PCDHGA3: variants seen among roughly 807,000 people sequenced by gnomAD.
The protein encoded by PCDHGA3 is protocadherin gamma subfamily A, 3, also known as protocadherin gamma-A3.
A neutral mutation model predicts 58.5 loss-of-function variants in PCDHGA3; 40 were observed. The ratio of observed to expected loss-of-function variants is 0.68; its 90% CI spans 0.53 to 0.89. The LOEUF (loss-of-function observed/expected upper bound fraction) is 0.89. Ranked by LOEUF, PCDHGA3 falls within the 40% of genes least tolerant of loss-of-function variation. The pLI is 0.00. For missense variants in PCDHGA3, 1,223 were observed against 1,195.9 expected, an observed-to-expected ratio of 1.02 and a Z score of -0.33; for synonymous variants, 530 against 525.7, an observed-to-expected ratio of 1.01 and a Z score of -0.11.
intron 1 of PCDHGA3, among the ~76,000 whole-genome samples, chr5:141,397,239 G>A (rs563338293): frequency 1.8e-4 from 27 of 152,262 alleles, no homozygotes; most frequent in Non-Finnish European, 3.4e-4. Flanking sequence ...GAAGAGCAAC[G>A]TAGTAGGGTA....
intron 1 of PCDHGA3, chr5:141,390,614 G>C (rs184586504): frequency 4.8e-5 from 14 of 289,200 alleles, no homozygotes; most frequent in Admixed American, 2.4e-4. Context: ...TTTCCTTCTT[G>C]TTGACTAATA....
At chr5:141,371,218 C>T (rs1454546023) in intron 1 of PCDHGA3, 1 of 1,613,992 alleles carries the variant, frequency 6.2e-7, no homozygotes, top group South Asian at 1.1e-5. Context: ...GGCATCAATG[C>T]CGAAATCATC....
At position 141,470,884 on chromosome 5, in the gene PCDHGA3, G is replaced by T. The variant is rs2099243316; in HGVS notation, c.2425-23923G>T. 3.3e-5 allele frequency among the ~76,000 whole-genome samples: 5 copies of T among 151,648 alleles called. No individual in the cohort carries two copies. In the South Asian group the frequency reaches 1.0e-3, roughly 32 times the overall value. On this transcript the variant is annotated intron_variant, in intron 1 of 3. Coordinates refer to ENST00000253812, the MANE Select transcript of PCDHGA3 (RefSeq NM_018916.4). ...TTTGTTTGTTTGTTTTTTTGTTTTT[G>T]TTTTTGTTTTTTGTAGAGATGGGAC...
intron 1 of PCDHGA3, chr5:141,356,784 G>A: frequency 6.2e-7 from 1 of 1,613,948 alleles, no homozygotes; most frequent in East Asian, 2.2e-5. Flanking sequence ...TTAGAGACCT[G>A]CAGCTGCTGA....
chr5:141,360,994 C>A lies in PCDHGA3; in HGVS notation c.2424+14537C>A, dbSNP rs367799961. 3.1e-6 allele frequency: 5 copies of A among 1,613,358 alleles called. No individual in the cohort carries two copies. In the African/African-American group the frequency reaches 4.0e-5, roughly 13 times the overall value. On this transcript the variant is annotated intron_variant, in intron 1 of 3. Coordinates refer to ENST00000253812, the MANE Select transcript of PCDHGA3 (RefSeq NM_018916.4). ...CTACTCCTTTCATAATGTGGACGAA[C>A]AAGTGAAACACTTTTTCAACTTAAA... is the stretch of plus-strand genomic sequence containing the variant.
chr5:141,352,202 C>G (rs147767080), intron 1 of PCDHGA3: 33,214 of 1,613,996 alleles, frequency 0.021, 406 homozygotes, highest in Non-Finnish European at 0.026. Context: ...TGGAGGACAG[C>G]CGCCACTCTC....
intron 1 of PCDHGA3, chr5:141,441,988 A>G: frequency 3.7e-6 from 1 of 269,936 alleles, no homozygotes; most frequent in Non-Finnish European, 7.3e-6. Flanking sequence ...ATGCGCACCG[A>G]CGAGGTGCTG....
At chr5:141,357,235 A>C in intron 1 of PCDHGA3, 1 of 1,613,530 alleles carries the variant, frequency 6.2e-7, no homozygotes, top group Non-Finnish European at 8.5e-7. Context: ...GGGCAGCCTC[A>C]AGCCTTCAGC....
chr5:141,430,639 A>C, intron 1 of PCDHGA3: 6 of 900,712 alleles, frequency 6.7e-6, no homozygotes, highest in Non-Finnish European at 9.7e-6. Context: ...CATCCCTGGG[A>C]GTATGTGGAA....
At chr5:141,398,343 G>A (rs1393305647) in intron 1 of PCDHGA3, 6 of 1,380,544 alleles carry the variant, frequency 4.3e-6, no homozygotes, top group Non-Finnish European at 6.0e-6. Context: ...GTTCGGAGAA[G>A]CCTTACTTCA....
At chr5:141,421,678 G>T in intron 1 of PCDHGA3, 3 of 1,613,892 alleles carry the variant, frequency 1.9e-6, no homozygotes, top group Non-Finnish European at 2.5e-6. Context: ...AATTCCTGGG[G>T]CGCGATTTGC....
At chr5:141,372,808 A>G in intron 1 of PCDHGA3, 1 of 1,589,102 alleles carries the variant, frequency 6.3e-7, no homozygotes, top group South Asian at 1.1e-5. Flanking sequence ...AATTTGCAAA[A>G]GGTGAGTTTC....
intron 1 of PCDHGA3, chr5:141,423,108 GC>G: frequency 1.2e-6 from 2 of 1,613,864 alleles, no homozygotes; most frequent in African/African-American, 2.7e-5. Flanking sequence ...CGGGCGAGGT[GC>G]GTACAGCGCG....
At chr5:141,366,180 T>C in intron 1 of PCDHGA3, 1 of 1,613,950 alleles carries the variant, frequency 6.2e-7, no homozygotes, top group Non-Finnish European at 8.5e-7. Flanking sequence ...CCAGGACTCT[T>C]TGCGGTTGGG....
rs760575047 is a variant in PCDHGA3 at position 141,493,887 on chromosome 5, G to A, written c.2425-920G>A. Among the ~76,000 whole-genome samples the A allele has an allele frequency of 1.3e-5, 2 of 152,184 alleles. No individual in the cohort carries two copies. The highest frequency in any genetic ancestry group is 2.4e-5 in the African/African-American group (1 of 41,448). On this transcript the variant is annotated intron_variant, in intron 1 of 3. Coordinates refer to ENST00000253812, the MANE Select transcript of PCDHGA3 (RefSeq NM_018916.4). The surrounding 1 kb of genome is among the most constrained non-coding windows in gnomAD (Gnocchi z 4.3). Reference sequence around the variant, plus strand: ...AGAACCAGTGAGGAGGTGGCTCTAGGAGTGCTCCATGAGAGTGTGTGATGG... The same window carrying A: ...AGAACCAGTGAGGAGGTGGCTCTAGAAGTGCTCCATGAGAGTGTGTGATGG...
intron 3 of PCDHGA3, among the ~76,000 whole-genome samples, chr5:141,509,532 A>C (rs2099877210): frequency 6.6e-6 from 1 of 152,124 alleles, no homozygotes; most frequent in African/African-American, 2.4e-5. Flanking sequence ...GCACAGGATG[A>C]AGCACCATCT....
At chr5:141,350,478 A>G (rs527554810) in intron 1 of PCDHGA3, 5 of 1,613,892 alleles carry the variant, frequency 3.1e-6, no homozygotes, top group Non-Finnish European at 4.2e-6. Flanking sequence ...GATTATTTCA[A>G]CGTTAGTTTG....
At position 141,494,758 on chromosome 5, in the gene PCDHGA3, T is replaced by C. The variant is rs370692038; in HGVS notation, c.2425-49T>C. ...CCATCCCTAGGGGCTCGGGTGACAT[T>C]CTAACTTCTCACGGGTACTCAGCCC... On this transcript the variant is annotated intron_variant, in intron 1 of 3. Transcript: ENST00000253812. The C allele has an allele frequency of 1.3e-5, 21 of 1,613,682 alleles. No homozygotes were observed. The African/African-American group carries it at 2.7e-4, about 21-fold the overall frequency.
At chr5:141,355,909 G>A (rs760991586) in intron 1 of PCDHGA3, 15 of 1,613,730 alleles carry the variant, frequency 9.3e-6, no homozygotes, top group Non-Finnish European at 1.2e-5. Flanking sequence ...GGATACCAAC[G>A]ATAATGCTCC....
Sources: allele counts gnomAD v4.1 joint callset (sites outside exome capture counted in the v4.1 genomes callset), GRCh38; gene constraint gnomAD v4.1.1; non-coding constraint Gnocchi (gnomAD v3.1); transcripts MANE v1.5; gene names NCBI Gene and HGNC (gene_info 2026-07-23, HGNC 2026-07-21).